The following IFT140 variants were observed in gnomAD, a reference collection of about 807,000 sequenced individuals.
IFT140 encodes the protein intraflagellar transport protein 140 homolog.
A neutral mutation model predicts 164.6 loss-of-function variants in IFT140; 133 were observed. That is an observed-to-expected ratio of 0.81 (90% CI 0.70 to 0.93). The LOEUF (loss-of-function observed/expected upper bound fraction) is 0.93, where lower values mean the gene tolerates loss of function less well. Among genes scored for constraint, IFT140 ranks in the 40% least tolerant of loss-of-function variants. The probability of loss-of-function intolerance (pLI) is 0.00; values close to 1 mark genes in which losing one functional copy is unlikely to be tolerated. For missense variants in IFT140, 2,045 were observed against 1,972.3 expected, an observed-to-expected ratio of 1.04 and a Z score of -0.70; for synonymous variants, 860 against 817.3, an observed-to-expected ratio of 1.05 and a Z score of -0.89.
chr16:1,557,858 A>G, intron 19 of IFT140, 77 bp downstream of exon 19: 1 of 1,429,958 alleles, frequency 7.0e-7, no homozygotes, highest in Non-Finnish European at 9.8e-7. Flanking sequence ...CAGGCGAACC[A>G]AGAAGGCAAA....
At chr16:1,513,706 C>T (rs2040247469) in intron 30 of IFT140, among the ~76,000 whole-genome samples, 1 of 150,118 alleles carries the variant, frequency 6.7e-6, no homozygotes, top group Non-Finnish European at 1.5e-5. Context: ...CGGAGTCTTG[C>T]TGTGTCGCCC....
chr16:1,595,732 C>CT (rs1258870951), intron 4 of IFT140, among the ~76,000 whole-genome samples: 1 of 152,062 alleles, frequency 6.6e-6, no homozygotes, highest in East Asian at 1.9e-4. Context: ...ATTCTTGACT[C>CT]TAACAGCTTG....
Position 1,597,938 on chromosome 16 carries a change from C to T in IFT140, c.369+4432G>A, listed in dbSNP as rs185463864. ...TGCCTGGCTTACTTGTTTCTCAACA[C>T]AGTCAAGCTGAGAATTACAAAAGTC... is the stretch of plus-strand genomic sequence containing the variant. On this transcript the variant is annotated intron_variant, in intron 4 of 30. Coordinates refer to ENST00000426508, the MANE Select transcript of IFT140 (RefSeq NM_014714.4). Among the ~76,000 whole-genome samples, 4 of 152,264 alleles carry T rather than the reference C, an allele frequency of 2.6e-5. No homozygotes were observed. In the East Asian group the frequency reaches 7.7e-4, roughly 29 times the overall value.
chr16:1,608,820 A>G (rs1255174351), intron 2 of IFT140, among the ~76,000 whole-genome samples: 2 of 151,900 alleles, frequency 1.3e-5, no homozygotes, highest in Non-Finnish European at 2.9e-5. Context: ...GGCTCAAGTG[A>G]TCCTCCTGCC....
At chr16:1,528,369 ACG>A (rs1567333777) in intron 19 of IFT140, among the ~76,000 whole-genome samples, 15 of 150,188 alleles carry the variant, frequency 1.0e-4, no homozygotes, top group African/African-American at 3.4e-4. Context: ...GTGCACACAC[ACG>A]CATGCACGCA....
In IFT140 at chr16:1,581,499, C is replaced by G. The variant is rs556262537; in HGVS notation, c.1433-649G>C. Among the ~76,000 whole-genome samples, 531 of 151,622 alleles carry G rather than the reference C, an allele frequency of 3.5e-3. 3 individuals are homozygous for G. Among genetic ancestry groups the G allele is most frequent in the Non-Finnish European group, 4.3e-3 (292 of 67,914 alleles). Reference sequence around the variant, plus strand: ...CCTGTAATCCCACCTACTTGGGAGGCTGAGGCATGAGAATCGCTTGAGCCC... The same window carrying G: ...CCTGTAATCCCACCTACTTGGGAGGGTGAGGCATGAGAATCGCTTGAGCCC... On this transcript the variant is annotated intron_variant, in intron 12 of 30. Transcript: ENST00000426508.
In IFT140 at chr16:1,553,731, C is replaced by G; in HGVS notation, c.2399+4204G>C. ...CCTCCAGGACAATCTGTGGCCACATCCCCATGGCTGTAGGGGATGAGGAGG... is the reference window on the plus strand; with the variant it reads ...CCTCCAGGACAATCTGTGGCCACATGCCCATGGCTGTAGGGGATGAGGAGG... On this transcript the variant is annotated intron_variant, in intron 19 of 30. Transcript: ENST00000426508. The surrounding 1 kb of genome is among the most constrained non-coding windows in gnomAD (Gnocchi z 4.4). The G allele has an allele frequency of 8.8e-7, 1 of 1,137,108 alleles. No individual in the cohort carries two copies. The highest frequency in any genetic ancestry group is 1.1e-6 in the Non-Finnish European group (1 of 913,166). 70.4% of individuals were successfully genotyped at this position (1,137,108 alleles called of 1,614,324 possible).
At chr16:1,522,628 C>T (rs766610100) in intron 26 of IFT140, among the ~76,000 whole-genome samples, 34 of 152,160 alleles carry the variant, frequency 2.2e-4, no homozygotes, top group Non-Finnish European at 4.4e-4. Flanking sequence ...ATCACGAGGT[C>T]AAGAGATCGA....
chr16:1,522,344 G>A (rs1211868780), intron 26 of IFT140, among the ~76,000 whole-genome samples: 1 of 152,028 alleles, frequency 6.6e-6, no homozygotes, highest in Non-Finnish European at 1.5e-5. Context: ...GTGACAGAGA[G>A]AGACTCTGTC....
rs953848980 is a variant in IFT140 at position 1,526,270 on chromosome 16, C to T, written c.2578-193G>A. ...CGTCCCACGGCTGGAGAGTGAGATG[C>T]ACCACCAAGGGGTACCCCACCTCCC... On this transcript the variant is annotated intron_variant, in intron 20 of 30. Coordinates refer to ENST00000426508, the MANE Select transcript of IFT140 (RefSeq NM_014714.4). The T allele has an allele frequency of 3.0e-5, 19 of 623,410 alleles. No individual in the cohort carries two copies. The East Asian group carries it at 4.2e-4, about 14-fold the overall frequency. 38.6% of individuals were successfully genotyped at this position (623,410 alleles called of 1,614,324 possible).
chr16:1,559,643 G>T (rs1471220172), intron 18 of IFT140, among the ~76,000 whole-genome samples: 1 of 152,246 alleles, frequency 6.6e-6, no homozygotes, highest in African/African-American at 2.4e-5. Context: ...AAGAGCTGCT[G>T]TGTCACATGT....
At chr16:1,589,543 G>A in intron 7 of IFT140, 62 bp downstream of exon 7, 5 of 1,532,130 alleles carry the variant, frequency 3.3e-6, no homozygotes, top group South Asian at 1.2e-5. Context: ...GGCCGTCAAC[G>A]AGGCCAGAGA....
At position 1,511,006 on chromosome 16, in the gene IFT140, T is replaced by A. The variant is rs2040123939; in HGVS notation, c.4327A>T (p.Ser1443Cys). The A allele has an allele frequency of 6.2e-7, 1 of 1,610,048 alleles. No homozygotes were observed. Among genetic ancestry groups the A allele is most frequent in the Non-Finnish European group, 8.5e-7 (1 of 1,178,000 alleles). The change falls in exon 31 of 31, where the codon AGC (serine) becomes TGC (cysteine). Residue 1443 changes from serine to cysteine, a missense_variant. Transcript: ENST00000426508. Reference sequence around the variant, plus strand: ...TCCAGCTCCCTGGCGTCCTCCATGCTGTTGTGGCGGACCTGCTCGGGGACG... The same window carrying A: ...TCCAGCTCCCTGGCGTCCTCCATGCAGTTGTGGCGGACCTGCTCGGGGACG... ...RTVPEQVRHNSMEDARELDEE... is the reference protein window; with the variant it reads ...RTVPEQVRHNCMEDARELDEE...
At chr16:1,556,867 T>C (rs1310678996) in intron 19 of IFT140, among the ~76,000 whole-genome samples, 2 of 152,210 alleles carry the variant, frequency 1.3e-5, no homozygotes, top group Non-Finnish European at 2.9e-5. Flanking sequence ...TGGAGTGCAG[T>C]GGCGTGATCT....
rs529689159 is a variant in IFT140, at chr16:1,518,053, C to T, written c.4182+163G>A. Reference sequence around the variant, plus strand: ...GGGTTTCACCATGTCGCCCAGGCTGCTCTTGAACTCCTGGGCTCAAGTCAT... The same window carrying T: ...GGGTTTCACCATGTCGCCCAGGCTGTTCTTGAACTCCTGGGCTCAAGTCAT... On this transcript the variant is annotated intron_variant, in intron 30 of 30. Transcript: ENST00000426508. 6.2e-5 allele frequency: 39 copies of T among 628,530 alleles called. No individual in the cohort carries two copies. In the South Asian group the frequency reaches 8.1e-4, roughly 13 times the overall value. The allele number at this position is 628,530 out of a possible 1,614,324, so 38.9% of individuals were successfully genotyped here.
chr16:1,600,043 G>A (rs1285298424), intron 4 of IFT140, among the ~76,000 whole-genome samples: 3 of 147,164 alleles, frequency 2.0e-5, no homozygotes, highest in Non-Finnish European at 4.5e-5. Context: ...TTGAGAAATC[G>A]GATGGTTGCC....
At position 1,589,762 on chromosome 16, in the gene IFT140, T is replaced by A. The variant is rs781052474; in HGVS notation, c.653A>T (p.Asp218Val). 1 of 1,614,130 alleles carries A rather than the reference T, an allele frequency of 6.2e-7. No individual in the cohort carries two copies. Among genetic ancestry groups the A allele is most frequent in the Non-Finnish European group, 8.5e-7 (1 of 1,179,996 alleles). ...CACCTGAGTGGTCTTGCCCTTCTCA[T>A]CCACATAGTGCACTGTCCCTGGGGA... ...SLMDGTVHYV[D>V]EKGKTTQVVS... is the part of the protein sequence containing the mutation. The change falls in exon 7 of 31, where the codon GAT (aspartate) becomes GTT (valine). Residue 218 changes from aspartate (D) to valine (V), a missense_variant. Asp to Val is a radical substitution (Grantham distance 152, BLOSUM62 -3). Transcript: ENST00000426508.
In IFT140 at chr16:1,523,753, C is replaced by T. The variant is rs78028801; in HGVS notation, c.3271-53G>A. 0.096 allele frequency: 153,983 copies of T among 1,605,582 alleles called. 9,214 individuals are homozygous for T. Among genetic ancestry groups the T allele is most frequent in the East Asian group, 0.27 (11,960 of 44,686 alleles). ...TGCCCGAGGCCTGGGGGCCCGAGCA[C>T]GGAGGCCTCGCACAGGCAAGGGCCC... On this transcript the variant is annotated intron_variant, in intron 25 of 30. Coordinates refer to ENST00000426508, the MANE Select transcript of IFT140 (RefSeq NM_014714.4).
At chr16:1,579,672 A>G (rs985278841) in intron 13 of IFT140, among the ~76,000 whole-genome samples, 1 of 152,132 alleles carries the variant, frequency 6.6e-6, no homozygotes. Context: ...CTTTACTCAG[A>G]AGGGAACCTC....
Sources: allele counts gnomAD v4.1 joint callset (sites outside exome capture counted in the v4.1 genomes callset), GRCh38; gene constraint gnomAD v4.1.1; non-coding constraint Gnocchi (gnomAD v3.1); transcripts MANE v1.5; gene names NCBI Gene and HGNC (gene_info 2026-07-23, HGNC 2026-07-21).